Variants in RALYL observed in about 807,000 individuals in gnomAD.
RALYL encodes the protein RNA-binding Raly-like protein.
In RALYL, 29 loss-of-function variants were observed where a neutral mutation model predicts 35.1. The ratio of observed to expected loss-of-function variants is 0.83; its 90% CI spans 0.61 to 1.13. The LOEUF is 1.13. RALYL is among the 50% of genes most tolerant of loss of function. The pLI, the probability that RALYL is intolerant of heterozygous loss-of-function variation, is 0.00. For synonymous variants in RALYL, 120 were observed against 127.6 expected (o/e 0.94, Z 0.40); for missense variants, 359 against 360.4 (o/e 1.00, Z 0.03).
chr8:84,641,788 TAAA>T (rs59556525), intron 2 of RALYL, among the ~76,000 whole-genome samples: 10 of 119,214 alleles, frequency 8.4e-5, no homozygotes, highest in African/African-American at 2.7e-4. Context: ...GTCTTATTTG[TAAA>T]AAAAAAAAAA....
chr8:84,614,542 G>A (rs1588513695), intron 2 of RALYL, among the ~76,000 whole-genome samples: 1 of 151,556 alleles, frequency 6.6e-6, no homozygotes, highest in African/African-American at 2.4e-5. Flanking sequence ...ACTTACTTGT[G>A]GAATATTGTA....
chr8:84,374,677 A>G (rs1856573049), intron 1 of RALYL, among the ~76,000 whole-genome samples: 1 of 151,808 alleles, frequency 6.6e-6, no homozygotes, highest in Non-Finnish European at 1.5e-5. Context: ...TGCACACAAA[A>G]AGGGAAACAA....
At chr8:84,293,753 G>A (rs1263161465) in intron 1 of RALYL, among the ~76,000 whole-genome samples, 1 of 151,924 alleles carries the variant, frequency 6.6e-6, no homozygotes, top group Non-Finnish European at 1.5e-5. Context: ...TCCCTCACAG[G>A]CTGTCATTTG....
intron 2 of RALYL, among the ~76,000 whole-genome samples, chr8:84,593,122 T>C (rs539961890): frequency 1.6e-4 from 25 of 152,236 alleles, no homozygotes; most frequent in African/African-American, 6.0e-4. Context: ...TTTTAATCTT[T>C]GTATATGGTG....
intron 1 of RALYL, among the ~76,000 whole-genome samples, chr8:84,251,133 C>G (rs1830118617): frequency 6.6e-6 from 1 of 152,062 alleles, no homozygotes; most frequent in Non-Finnish European, 1.5e-5. Context: ...ACTTCCTACA[C>G]TCTTGTATAA....
intron 2 of RALYL, among the ~76,000 whole-genome samples, chr8:84,770,884 T>G (rs925303480): frequency 5.3e-5 from 8 of 152,166 alleles, no homozygotes; most frequent in African/African-American, 1.9e-4. Flanking sequence ...AGCCCACTTT[T>G]TGATGTGATT....
At chr8:84,373,174 C>T (rs2131471999) in intron 1 of RALYL, among the ~76,000 whole-genome samples, 1 of 151,630 alleles carries the variant, frequency 6.6e-6, no homozygotes, top group East Asian at 1.9e-4. Context: ...AAAATGTCCT[C>T]CCATTCTGTA....
chr8:84,300,303 T>A (rs1420533389), intron 1 of RALYL, among the ~76,000 whole-genome samples: 1 of 151,932 alleles, frequency 6.6e-6, no homozygotes, highest in Non-Finnish European at 1.5e-5. Context: ...TCTGAGAGTG[T>A]GATTGGTATG....
chr8:84,490,079 A>ATGTG (rs143193843), intron 1 of RALYL, among the ~76,000 whole-genome samples: 16,604 of 144,090 alleles, frequency 0.12, 1,078 homozygotes, highest in Middle Eastern at 0.18. Flanking sequence ...GCTTGCGTGC[A>ATGTG]TGTGTGTGTG....
intron 2 of RALYL, among the ~76,000 whole-genome samples, chr8:84,581,354 G>A (rs1351334165): frequency 1.3e-5 from 2 of 152,012 alleles, no homozygotes; most frequent in African/African-American, 2.4e-5. Context: ...TCATATCCAC[G>A]GTTATGAATT....
chr8:84,897,571 G>T (rs1254338335), intron 8 of RALYL, among the ~76,000 whole-genome samples: 2 of 151,818 alleles, frequency 1.3e-5, no homozygotes, highest in Non-Finnish European at 2.9e-5. Context: ...TGATGATATA[G>T]GGCTTTTGCT....
At chr8:84,227,212 A>T (rs770048775) in intron 1 of RALYL, among the ~76,000 whole-genome samples, 2 of 151,586 alleles carry the variant, frequency 1.3e-5, no homozygotes, top group Non-Finnish European at 2.9e-5. Context: ...AGGTGCAGCC[A>T]CCACACCTGG....
At chr8:84,690,586 A>C (rs542072981) in intron 2 of RALYL, among the ~76,000 whole-genome samples, 99 of 152,266 alleles carry the variant, frequency 6.5e-4, no homozygotes, top group Middle Eastern at 6.8e-3. Flanking sequence ...GTATATCAAA[A>C]CATATACAAT....
chr8:84,844,662 A>C (rs1428119132), intron 4 of RALYL, among the ~76,000 whole-genome samples: 1 of 152,180 alleles, frequency 6.6e-6, no homozygotes, highest in Non-Finnish European at 1.5e-5. Context: ...ATAAAGACAC[A>C]TGCACATGTA....
chr8:84,267,337 G>A (rs968956867), intron 1 of RALYL, among the ~76,000 whole-genome samples: 1 of 152,100 alleles, frequency 6.6e-6, no homozygotes, highest in African/African-American at 2.4e-5. Context: ...AACACCTGAA[G>A]CATGCATTGA....
intron 1 of RALYL, among the ~76,000 whole-genome samples, chr8:84,235,203 A>T (rs1476751491): frequency 1.3e-5 from 2 of 152,198 alleles, no homozygotes; most frequent in Non-Finnish European, 2.9e-5. Context: ...TTATAATGTG[A>T]AAATTAATTG....
intron 1 of RALYL, among the ~76,000 whole-genome samples, chr8:84,510,016 G>A (rs951857451): frequency 3.3e-5 from 5 of 152,104 alleles, no homozygotes; most frequent in Non-Finnish European, 7.4e-5. Context: ...TGTAAAGTTA[G>A]GAATCATTTT....
chr8:84,402,988 G>T (rs899745128), intron 1 of RALYL, among the ~76,000 whole-genome samples: 1 of 152,038 alleles, frequency 6.6e-6, no homozygotes, highest in African/African-American at 2.4e-5. Flanking sequence ...GATATCTTTT[G>T]CCCACTTTTT....
intron 1 of RALYL, among the ~76,000 whole-genome samples, chr8:84,252,729 C>A (rs913870996): frequency 6.6e-6 from 1 of 151,926 alleles, no homozygotes; most frequent in African/African-American, 2.4e-5. Context: ...TTTCATTATC[C>A]TCAAAGAACT....
Sources: gnomAD v4.1 joint callset for allele counts (sites outside exome capture counted in the v4.1 genomes callset) on GRCh38, gnomAD v4.1.1 for gene constraint, MANE v1.5 for transcripts, NCBI Gene and HGNC (gene_info 2026-07-23, HGNC 2026-07-21) for gene names.